GPR137B: variants seen among roughly 807,000 people sequenced by gnomAD.
The protein encoded by GPR137B is G protein-coupled receptor 137B.
In GPR137B, 42 loss-of-function variants were observed where a neutral mutation model predicts 42.5. The ratio of observed to expected loss-of-function variants is 0.99; its 90% CI spans 0.77 to 1.28. The LOEUF (loss-of-function observed/expected upper bound fraction) is 1.28, where lower values mean the gene tolerates loss of function less well. GPR137B is among the 50% of genes most tolerant of loss of function. The pLI, the probability that GPR137B is intolerant of heterozygous loss-of-function variation, is 0.00. For synonymous variants in GPR137B, 218 were observed against 209.7 expected (o/e 1.04, Z -0.34); for missense variants, 487 against 493.9 (o/e 0.99, Z 0.13).
At chr1:236,195,789 C>T (rs753188142) in intron 5 of GPR137B, among the ~76,000 whole-genome samples, 3 of 152,122 alleles carry the variant, frequency 2.0e-5, no homozygotes, top group South Asian at 2.1e-4. Flanking sequence ...TAGATATAAG[C>T]GATTATAACT....
At chr1:236,200,572 G>C (rs1558496221) in intron 5 of GPR137B, among the ~76,000 whole-genome samples, 1 of 151,902 alleles carries the variant, frequency 6.6e-6, no homozygotes, top group Non-Finnish European at 1.5e-5. Flanking sequence ...TTTCCTGTTG[G>C]ACTGATCCTT....
At chr1:236,160,651 G>A (rs1325613606) in intron 1 of GPR137B, among the ~76,000 whole-genome samples, 1 of 152,172 alleles carries the variant, frequency 6.6e-6, no homozygotes, top group East Asian at 1.9e-4. Context: ...AGCAGTTTAT[G>A]CTCTTGAATT....
At chr1:236,157,474 C>T (rs941617565) in intron 1 of GPR137B, among the ~76,000 whole-genome samples, 1 of 152,174 alleles carries the variant, frequency 6.6e-6, no homozygotes, top group Non-Finnish European at 1.5e-5. Flanking sequence ...CCGCCTCCCC[C>T]ACCTCCCAAA....
rs1299637386 is a variant in GPR137B, at chr1:236,164,885, CAAGA to C, written c.415-3820_415-3817del. ...AGCTTGAATAGTGCCCAGATGAATTCAAGAGAGAGAGAGAGAGAGAGAGAGAGAG... is the reference window on the plus strand; with the variant it reads ...AGCTTGAATAGTGCCCAGATGAATTCGAGAGAGAGAGAGAGAGAGAGAGAG... On this transcript the variant is annotated intron_variant, in intron 1 of 6. Transcript: ENST00000366592. 1.8e-4 allele frequency among the ~76,000 whole-genome samples: 22 copies of C among 123,506 alleles called. 1 individual carries two copies. The highest frequency in any genetic ancestry group is 8.8e-4 in the South Asian group (3 of 3,390). The allele number at this position is 123,506 out of a possible 152,430, so 81.0% of individuals were successfully genotyped here.
rs1217052877 is a variant in GPR137B at position 236,190,618 on chromosome 1, TG to T, written c.966+6715del. On this transcript the variant is annotated intron_variant, in intron 5 of 6. Transcript: ENST00000366592. ...CTTAGTTTGGCTGGATATGAAATTC[TG>T]GGTTGAAAATTTTTTTCTTTAAGAA... is the stretch of plus-strand genomic sequence containing the variant. Among the ~76,000 whole-genome samples the T allele has an allele frequency of 1.1e-4, 16 of 152,188 alleles. No individual in the cohort carries two copies. The East Asian group carries it at 2.9e-3, about 28-fold the overall frequency.
chr1:236,168,698 C>T lies in GPR137B; in HGVS notation c.415-8C>T, dbSNP rs757627047. 5.6e-6 allele frequency: 9 copies of T among 1,609,804 alleles called. No individual in the cohort carries two copies. Among genetic ancestry groups the T allele is most frequent in the South Asian group, 4.4e-5 (4 of 91,002 alleles). ...ACCCCAACCTGCCATGCTTTTCTGTCGTTGCAGGTGATTTTCAAAGCCAAG... is the reference window on the plus strand; with the variant it reads ...ACCCCAACCTGCCATGCTTTTCTGTTGTTGCAGGTGATTTTCAAAGCCAAG... On this transcript the variant is annotated splice_region_variant and splice_polypyrimidine_tract_variant and intron_variant, in intron 1 of 6. Coordinates refer to ENST00000366592, the MANE Select transcript of GPR137B (RefSeq NM_003272.4).
chr1:236,208,514 A>ATAAT lies in GPR137B; in HGVS notation c.*358_*361dup, dbSNP rs1195040647. On this transcript the variant is annotated 3_prime_UTR_variant, in exon 7 of 7. Transcript: ENST00000366592. The stretch of plus-strand genomic sequence containing the variant: ...TTGTAGTTTGCACAGACTTTTATGC[A>ATAAT]TAATTCACTTTAAAAATATAGAATA... The ATAAT allele has an allele frequency of 6.3e-6, 6 of 949,214 alleles. No individual in the cohort carries two copies. Among genetic ancestry groups the ATAAT allele is most frequent in the Non-Finnish European group, 6.3e-6 (5 of 789,064 alleles). 58.8% of individuals were successfully genotyped at this position (949,214 alleles called of 1,614,324 possible).
intron 2 of GPR137B, among the ~76,000 whole-genome samples, chr1:236,176,454 C>T (rs909949693): frequency 2.6e-5 from 4 of 152,092 alleles, no homozygotes; most frequent in Non-Finnish European, 5.9e-5. Context: ...CACACACGTT[C>T]CTTACTGTGG....
chr1:236,188,495 C>T (rs10924660), intron 5 of GPR137B, among the ~76,000 whole-genome samples: 50,467 of 151,940 alleles, frequency 0.33, 8,972 homozygotes, highest in East Asian at 0.61. Flanking sequence ...TACATTCCAT[C>T]GATACCTAGT....
chr1:236,157,565 G>C (rs118076833), intron 1 of GPR137B, among the ~76,000 whole-genome samples: 1 of 152,244 alleles, frequency 6.6e-6, no homozygotes, highest in East Asian at 1.9e-4. Flanking sequence ...CTCTGTCAGA[G>C]AGGGCTACCG....
chr1:236,147,870 C>T (rs1260926216), intron 1 of GPR137B, among the ~76,000 whole-genome samples: 1 of 152,220 alleles, frequency 6.6e-6, no homozygotes, highest in East Asian at 1.9e-4. Flanking sequence ...CCAGTTCAGC[C>T]TGGGAACATG....
At chr1:236,188,005 T>C (rs1663082044) in intron 5 of GPR137B, among the ~76,000 whole-genome samples, 1 of 152,200 alleles carries the variant, frequency 6.6e-6, no homozygotes, top group Non-Finnish European at 1.5e-5. Flanking sequence ...TCTTATTTCC[T>C]TGAGCAGCAG....
At chr1:236,170,053 A>C (rs1571980334) in intron 2 of GPR137B, among the ~76,000 whole-genome samples, 1 of 148,396 alleles carries the variant, frequency 6.7e-6, no homozygotes, top group East Asian at 1.9e-4. Flanking sequence ...AAAAAAAAAA[A>C]AAAAAAAAAA....
chr1:236,205,180 G>A lies in GPR137B; in HGVS notation c.1021G>A (p.Asp341Asn), dbSNP rs201754513. The A allele has an allele frequency of 1.5e-4, 235 of 1,613,026 alleles. No homozygotes were observed. Among genetic ancestry groups the A allele is most frequent in the African/African-American group, 4.0e-5 (3 of 74,876 alleles). The change falls in exon 6 of 7, where the codon GAC (aspartate) becomes AAC (asparagine). Residue 341 changes from aspartate to asparagine, a missense_variant. Physicochemically the swap from Asp to Asn is conservative, Grantham distance 23. Coordinates refer to ENST00000366592, the MANE Select transcript of GPR137B (RefSeq NM_003272.4). ...ATTCAGTCCCAGATCTTATTTCTTT[G>A]ACAACCCTCGAAGATATGACAGTGA... ...HGFSPRSYFF[D>N]NPRRYDSDDD...
chr1:236,151,334 C>T (rs1661853661), intron 1 of GPR137B, among the ~76,000 whole-genome samples: 1 of 151,654 alleles, frequency 6.6e-6, no homozygotes, highest in Non-Finnish European at 1.5e-5. Context: ...AATGGTTTTA[C>T]TCTGCAAGTG....
At chr1:236,186,728 A>G (rs1164086263) in intron 5 of GPR137B, among the ~76,000 whole-genome samples, 2 of 152,024 alleles carry the variant, frequency 1.3e-5, no homozygotes, top group African/African-American at 2.4e-5. Flanking sequence ...TTCTTTATCC[A>G]GTCTATCATT....
intron 5 of GPR137B, among the ~76,000 whole-genome samples, chr1:236,189,297 A>G (rs1189919438): frequency 6.6e-6 from 1 of 151,876 alleles, no homozygotes; most frequent in East Asian, 1.9e-4. Context: ...ATTTTTTTTG[A>G]AGGGTTTTTC....
intron 2 of GPR137B, 140 bp downstream of exon 2, chr1:236,168,895 A>G (rs1662441586): frequency 1.4e-6 from 1 of 700,174 alleles, no homozygotes; most frequent in South Asian, 1.6e-5. Flanking sequence ...GGCTGCCCAC[A>G]TTGTGCACAT....
At position 236,162,198 on chromosome 1, in the gene GPR137B, A is replaced by G. The variant is rs1227675638; in HGVS notation, c.415-6508A>G. On this transcript the variant is annotated intron_variant, in intron 1 of 6. Transcript: ENST00000366592. ...ACTCTGGTTATGTTTTAGCAAAGAG[A>G]TTGGTGGCATTTTACCCTTGCCCTA... Among the ~76,000 whole-genome samples, 3 of 152,144 alleles carry G rather than the reference A, an allele frequency of 2.0e-5. No individual in the cohort carries two copies. In the East Asian group the frequency reaches 5.8e-4, roughly 29 times the overall value.
Sources: allele counts gnomAD v4.1 joint callset (sites outside exome capture counted in the v4.1 genomes callset), GRCh38; gene constraint gnomAD v4.1.1; transcripts MANE v1.5; gene names NCBI Gene and HGNC (gene_info 2026-07-23, HGNC 2026-07-21).